Variants in EGFLAM observed in about 807,000 individuals in gnomAD.
The protein encoded by EGFLAM is pikachurin.
EGFLAM carries 79 observed loss-of-function variants against 113.1 expected under a neutral mutation model. The observed-to-expected ratio is 0.70, with a 90% CI of 0.58 to 0.84. The LOEUF (loss-of-function observed/expected upper bound fraction) is 0.84. Among genes scored for constraint, EGFLAM ranks in the 40% least tolerant of loss-of-function variants. The pLI is 0.00. For missense variants in EGFLAM, 1,265 were observed against 1,291.6 expected (o/e 0.98, Z 0.32); for synonymous variants, 504 against 487.6 (o/e 1.03, Z -0.44).
intron 3 of EGFLAM, among the ~76,000 whole-genome samples, chr5:38,347,973 G>C (rs1411085105): frequency 4.6e-5 from 7 of 151,918 alleles, no homozygotes; most frequent in Non-Finnish European, 7.4e-5. Context: ...TGCTGCATAG[G>C]TAACTGATGA....
intron 1 of EGFLAM, among the ~76,000 whole-genome samples, chr5:38,281,432 T>C (rs1406997496): frequency 6.6e-6 from 1 of 152,126 alleles, no homozygotes; most frequent in African/African-American, 2.4e-5. Context: ...AAATATTGCA[T>C]GGGACATATT....
intron 1 of EGFLAM, among the ~76,000 whole-genome samples, chr5:38,284,821 A>G (rs1042105088): frequency 6.6e-6 from 1 of 152,348 alleles, no homozygotes; most frequent in African/African-American, 2.4e-5. Flanking sequence ...AATCTTGAGA[A>G]GATAAAGACA....
At chr5:38,356,203 A>G (rs757890391) in intron 5 of EGFLAM, among the ~76,000 whole-genome samples, 2 of 152,242 alleles carry the variant, frequency 1.3e-5, no homozygotes, top group African/African-American at 4.8e-5. Flanking sequence ...TCCAAATGGA[A>G]CATGGGAATA....
chr5:38,271,163 G>A (rs544368503), intron 1 of EGFLAM, among the ~76,000 whole-genome samples: 12 of 152,144 alleles, frequency 7.9e-5, no homozygotes, highest in Non-Finnish European at 1.6e-4. Context: ...AAGAAGAAAG[G>A]ATCAGGCCAC....
At chr5:38,284,872 A>G (rs1758116169) in intron 1 of EGFLAM, among the ~76,000 whole-genome samples, 2 of 152,232 alleles carry the variant, frequency 1.3e-5, no homozygotes, top group Admixed American at 6.5e-5. Context: ...ATAATAGGCA[A>G]TAATAACTAT....
At position 38,438,377 on chromosome 5, in the gene EGFLAM, G is replaced by T; in HGVS notation, c.2386G>T (p.Gly796Trp). Residue 796 changes from glycine (G) to tryptophan (W), a missense_variant, in exon 17 of 22, where the codon GGG (glycine) becomes TGG (tryptophan). Transcript: ENST00000322350. Reference sequence around the variant, plus strand: ...CTGTGTGAGAGCCCCTTGTGCCCATGGGGGCAGCTGCCGGCCCAGGAAGGA... The same window carrying T: ...CTGTGTGAGAGCCCCTTGTGCCCATTGGGGCAGCTGCCGGCCCAGGAAGGA... ...HPCVRAPCAHGGSCRPRKEGY... is the reference protein window; with the variant it reads ...HPCVRAPCAHWGSCRPRKEGY... 1 of 1,613,994 alleles carries T rather than the reference G, an allele frequency of 6.2e-7. No homozygotes were observed. The highest frequency in any genetic ancestry group is 8.5e-7 in the Non-Finnish European group (1 of 1,179,926).
At chr5:38,336,570 T>C (rs1328146514) in intron 1 of EGFLAM, among the ~76,000 whole-genome samples, 2 of 142,184 alleles carry the variant, frequency 1.4e-5, no homozygotes, top group Admixed American at 7.0e-5. Flanking sequence ...TGAGACTCCG[T>C]ACACACACAC....
chr5:38,458,105 T>C (rs1381542453), intron 19 of EGFLAM, among the ~76,000 whole-genome samples: 1 of 152,220 alleles, frequency 6.6e-6, no homozygotes, highest in Admixed American at 6.5e-5. Context: ...TACATATATT[T>C]TACCATAATT....
At chr5:38,450,551 C>T (rs940070730) in intron 18 of EGFLAM, among the ~76,000 whole-genome samples, 2 of 146,798 alleles carry the variant, frequency 1.4e-5, no homozygotes, top group African/African-American at 2.6e-5. Context: ...TATGTTTCCT[C>T]CTATCTCACC....
chr5:38,408,628 A>T (rs537238936), intron 9 of EGFLAM, among the ~76,000 whole-genome samples: 82 of 152,158 alleles, frequency 5.4e-4, no homozygotes, highest in Non-Finnish European at 1.1e-3. Context: ...AGGGGGAGGG[A>T]AATAGAAAGA....
chr5:38,322,283 A>C (rs1738762825), intron 1 of EGFLAM, among the ~76,000 whole-genome samples: 1 of 152,192 alleles, frequency 6.6e-6, no homozygotes, highest in Non-Finnish European at 1.5e-5. Flanking sequence ...GCCACTGAGG[A>C]CCAGGAAAAG....
intron 1 of EGFLAM, among the ~76,000 whole-genome samples, chr5:38,267,982 A>T (rs1757673618): frequency 6.6e-6 from 1 of 152,084 alleles, no homozygotes; most frequent in African/African-American, 2.4e-5. Flanking sequence ...GAATCCAGCA[A>T]CTCCAGAAAT....
At chr5:38,274,537 A>G (rs1287159268) in intron 1 of EGFLAM, among the ~76,000 whole-genome samples, 1 of 151,950 alleles carries the variant, frequency 6.6e-6, no homozygotes, top group Admixed American at 6.6e-5. Flanking sequence ...AGGCCAAGAG[A>G]GGGTGGGATG....
At chr5:38,443,096 T>A (rs1742597868) in intron 17 of EGFLAM, among the ~76,000 whole-genome samples, 1 of 152,178 alleles carries the variant, frequency 6.6e-6, no homozygotes, top group South Asian at 2.1e-4. Flanking sequence ...TGAAACCCCA[T>A]CTCTACTAAA....
chr5:38,388,924 A>ACG (rs33965704), intron 6 of EGFLAM, among the ~76,000 whole-genome samples: 1 of 94,572 alleles, frequency 1.1e-5, no homozygotes, highest in African/African-American at 4.0e-5. Flanking sequence ...CAAGAAAAAA[A>ACG]AAAAAAAACA....
At chr5:38,437,368 G>T (rs1160439018) in intron 16 of EGFLAM, among the ~76,000 whole-genome samples, 1 of 152,150 alleles carries the variant, frequency 6.6e-6, no homozygotes, top group Non-Finnish European at 1.5e-5. Context: ...TTAGGAGACT[G>T]CTTGAGAACA....
intron 1 of EGFLAM, among the ~76,000 whole-genome samples, chr5:38,274,409 G>C (rs375451586): frequency 6.6e-6 from 1 of 152,024 alleles, no homozygotes; most frequent in African/African-American, 2.4e-5. Flanking sequence ...TATTATAATC[G>C]AACTGTCAAA....
At chr5:38,340,970 G>A (rs1739321043) in intron 3 of EGFLAM, among the ~76,000 whole-genome samples, 1 of 152,098 alleles carries the variant, frequency 6.6e-6, no homozygotes, top group South Asian at 2.1e-4. Context: ...ATAGCAGAAT[G>A]GGTCCTGGAT....
chr5:38,275,249 T>A (rs1757859293), intron 1 of EGFLAM, among the ~76,000 whole-genome samples: 1 of 152,152 alleles, frequency 6.6e-6, no homozygotes, highest in Non-Finnish European at 1.5e-5. Context: ...TGAATATAAA[T>A]TGATCAAATT....
Sources: allele counts gnomAD v4.1 joint callset (sites outside exome capture counted in the v4.1 genomes callset), GRCh38; gene constraint gnomAD v4.1.1; transcripts MANE v1.5; gene names NCBI Gene and HGNC (gene_info 2026-07-23, HGNC 2026-07-21).